Variants in SMIM31 observed in about 807,000 individuals in gnomAD.
SMIM31 encodes small integral membrane protein 31, also known as human epithelial cell program regulator.
chr4:164,762,820 C>T (rs1732670447), intron 1 of SMIM31, among the ~76,000 whole-genome samples: 1 of 152,142 alleles, frequency 6.6e-6, no homozygotes, highest in Admixed American at 6.5e-5. Context: ...CGGAGCTACA[C>T]AGTTGTGGGT....
At chr4:164,758,440 C>T (rs62352416) in intron 1 of SMIM31, among the ~76,000 whole-genome samples, 1 of 151,882 alleles carries the variant, frequency 6.6e-6, no homozygotes, top group Non-Finnish European at 1.5e-5. Context: ...ATTGTTGCTT[C>T]GGGGCAAAGG....
intron 1 of SMIM31, among the ~76,000 whole-genome samples, chr4:164,766,503 TAAC>T (rs150097820): frequency 0.019 from 2,939 of 151,774 alleles, 83 homozygotes; most frequent in African/African-American, 0.067. Context: ...AGACAAACAA[TAAC>T]AAAAAAATGT....
intron 2 of SMIM31, among the ~76,000 whole-genome samples, chr4:164,771,646 A>AT (rs1732804070): frequency 7.3e-6 from 1 of 136,882 alleles, no homozygotes; most frequent in African/African-American, 2.9e-5. Flanking sequence ...CTAAAAATAC[A>AT]AAAAAAAAAA....
intron 2 of SMIM31, among the ~76,000 whole-genome samples, chr4:164,789,025 A>G (rs1349697218): frequency 6.6e-6 from 1 of 151,390 alleles, no homozygotes; most frequent in Admixed American, 6.6e-5. Context: ...TAAAAACAAG[A>G]TACTGATTTG....
chr4:164,769,229 T>G (rs189226524), intron 1 of SMIM31, among the ~76,000 whole-genome samples: 1 of 152,260 alleles, frequency 6.6e-6, no homozygotes, highest in Admixed American at 6.5e-5. Context: ...CTCCTGTACA[T>G]GGAGATGCCA....
intron 2 of SMIM31, among the ~76,000 whole-genome samples, chr4:164,788,485 T>C (rs1733057503): frequency 9.2e-6 from 1 of 108,402 alleles, no homozygotes; most frequent in Non-Finnish European, 1.9e-5. Flanking sequence ...TTTCTTTTTT[T>C]TTTTTTTTTT....
intron 2 of SMIM31, among the ~76,000 whole-genome samples, chr4:164,784,523 T>C (rs1182960671): frequency 6.6e-6 from 1 of 152,144 alleles, no homozygotes. Flanking sequence ...TATAATGAAT[T>C]TTGTATGAAA....
chr4:164,757,742 A>T (rs535544800), intron 1 of SMIM31, among the ~76,000 whole-genome samples: 5 of 152,196 alleles, frequency 3.3e-5, no homozygotes, highest in Admixed American at 3.3e-4. Context: ...GGTCGATCTT[A>T]ATTTTGAACC....
intron 2 of SMIM31, among the ~76,000 whole-genome samples, chr4:164,780,067 C>T (rs1056145450): frequency 7.2e-5 from 11 of 152,200 alleles, no homozygotes; most frequent in African/African-American, 2.4e-4. Flanking sequence ...AAAGCTTTGT[C>T]TTTTTCCCCA....
chr4:164,766,947 A>G (rs1228193594), intron 1 of SMIM31, among the ~76,000 whole-genome samples: 1 of 152,222 alleles, frequency 6.6e-6, no homozygotes, highest in African/African-American at 2.4e-5. Flanking sequence ...GTAGACAATG[A>G]GAATGTAGAG....
intron 2 of SMIM31, among the ~76,000 whole-genome samples, chr4:164,785,027 C>T (rs1287208827): frequency 6.6e-6 from 1 of 151,726 alleles, no homozygotes; most frequent in Non-Finnish European, 1.5e-5. Flanking sequence ...AGTTCGAAAC[C>T]AGCTTGGGCA....
At chr4:164,773,432 G>T (rs1419042331) in intron 2 of SMIM31, among the ~76,000 whole-genome samples, 1 of 152,186 alleles carries the variant, frequency 6.6e-6, no homozygotes, top group African/African-American at 2.4e-5. Flanking sequence ...TGGCTGGGGA[G>T]GCCTCAGGAA....
intron 1 of SMIM31, among the ~76,000 whole-genome samples, chr4:164,761,020 T>A (rs1281556605): frequency 6.6e-6 from 1 of 152,208 alleles, no homozygotes; most frequent in Non-Finnish European, 1.5e-5. Context: ...AGTTTAGAAA[T>A]ATTACATATT....
intron 2 of SMIM31, among the ~76,000 whole-genome samples, chr4:164,776,277 A>G (rs1732879018): frequency 6.6e-6 from 1 of 152,148 alleles, no homozygotes; most frequent in Non-Finnish European, 1.5e-5. Context: ...ACCTTGTACT[A>G]TTGGTTATGT....
In SMIM31 at chr4:164,754,222, C is replaced by T. The variant is rs1732521890; in HGVS notation, c.-215C>T. The T allele has an allele frequency of 6.6e-6, 1 of 152,174 alleles. No homozygotes were observed. The highest frequency in any genetic ancestry group is 2.4e-5 in the African/African-American group (1 of 41,444). The allele number at this position is 152,174 out of a possible 1,614,324, so 9.4% of individuals were successfully genotyped here. ...GTCCTGATTAAAACTCCAGCTAAGA[C>T]ATTAGTAAGCCTTGGTTAGTGAAGT... On this transcript the variant is annotated 5_prime_UTR_variant, in exon 1 of 3. Transcript: ENST00000507311.
chr4:164,764,941 A>G (rs1485621782), intron 1 of SMIM31, among the ~76,000 whole-genome samples: 2 of 152,216 alleles, frequency 1.3e-5, no homozygotes, highest in Non-Finnish European at 2.9e-5. Context: ...GATTAAACAG[A>G]TTGCCTCCAA....
intron 2 of SMIM31, among the ~76,000 whole-genome samples, chr4:164,780,760 T>C (rs1732939422): frequency 6.6e-6 from 1 of 152,198 alleles, no homozygotes. Flanking sequence ...AATGGGATAC[T>C]ACTACACATC....
chr4:164,784,899 G>GTTTTTT (rs112698821), intron 2 of SMIM31, among the ~76,000 whole-genome samples: 2,733 of 146,210 alleles, frequency 0.019, 47 homozygotes, highest in African/African-American at 0.044. Context: ...ATTTGTTTGG[G>GTTTTTT]TTTTTTTTTT....
chr4:164,784,464 T>C (rs1382421143), intron 2 of SMIM31, among the ~76,000 whole-genome samples: 1 of 152,194 alleles, frequency 6.6e-6, no homozygotes, highest in Non-Finnish European at 1.5e-5. Context: ...ATAAGAAAAC[T>C]TTCTAAAAAG....
Sources: allele counts gnomAD v4.1 joint callset (sites outside exome capture counted in the v4.1 genomes callset), GRCh38; gene constraint gnomAD v4.1.1; transcripts MANE v1.5; gene names NCBI Gene and HGNC (gene_info 2026-07-23, HGNC 2026-07-21).